Variants in CDC14A observed in about 807,000 individuals in gnomAD.
CDC14A encodes the protein dual specificity protein phosphatase CDC14A.
CDC14A carries 53 observed loss-of-function variants against 74.4 expected under a neutral mutation model. The ratio of observed to expected loss-of-function variants is 0.71; its 90% confidence interval spans 0.57 to 0.89. CDC14A has a LOEUF of 0.89. Among genes scored for constraint, CDC14A ranks in the 40% least tolerant of loss-of-function variants. CDC14A has a pLI of 0.00. For synonymous variants in CDC14A, 247 were observed against 258.4 expected (o/e 0.96, Z 0.43); for missense variants, 646 against 713.7 (o/e 0.91, Z 1.08).
At position 100,346,186 on chromosome 1, in the gene CDC14A, A is replaced by G. The variant is rs1650402928; in HGVS notation, c.-126+1003A>G. ...GACTCCATCTCAAAAACAAAACAAAACAAAACAAAACAAAAAAAACCTTTA... is the reference window on the plus strand; with the variant it reads ...GACTCCATCTCAAAAACAAAACAAAGCAAAACAAAACAAAAAAAACCTTTA... On this transcript the variant is annotated intron_variant, in intron 1 of 14. Coordinates refer to the CDC14A transcript ENST00000635056. Among the ~76,000 whole-genome samples the G allele has an allele frequency of 2.0e-5, 3 of 152,084 alleles. No individual in the cohort carries two copies. The South Asian group carries it at 6.2e-4, about 31-fold the overall frequency.
intron 11 of CDC14A, among the ~76,000 whole-genome samples, chr1:100,492,005 T>C (rs1017695351): frequency 8.5e-5 from 13 of 152,052 alleles, no homozygotes; most frequent in African/African-American, 3.1e-4. Context: ...TGAGGGTGTT[T>C]AAGTAAACTT....
At chr1:100,375,227 A>T (rs905599134) in intron 2 of CDC14A, among the ~76,000 whole-genome samples, 2 of 152,208 alleles carry the variant, frequency 1.3e-5, no homozygotes, top group East Asian at 3.8e-4. Context: ...TAAAGAATAC[A>T]TTTAGAATAT....
intron 4 of CDC14A, among the ~76,000 whole-genome samples, chr1:100,410,383 A>G (rs2101035773): frequency 6.6e-6 from 1 of 152,234 alleles, no homozygotes; most frequent in South Asian, 2.1e-4. Flanking sequence ...GTGCGGTGGC[A>G]CAATCTCAGC....
chr1:100,499,796 C>T (rs1313896110), intron 15 of CDC14A, among the ~76,000 whole-genome samples: 1 of 152,080 alleles, frequency 6.6e-6, no homozygotes, highest in Non-Finnish European at 1.5e-5. Context: ...TATTTCACCT[C>T]CTGCAAGGAA....
At chr1:100,355,815 G>T (rs1218587462) in intron 2 of CDC14A, among the ~76,000 whole-genome samples, 3 of 152,180 alleles carry the variant, frequency 2.0e-5, no homozygotes, top group South Asian at 4.1e-4. Context: ...AGAGCTCCAA[G>T]CCTGTAGGGA....
chr1:100,493,532 T>C (rs984355934), intron 11 of CDC14A, among the ~76,000 whole-genome samples: 2 of 152,250 alleles, frequency 1.3e-5, no homozygotes, highest in Admixed American at 1.3e-4. Flanking sequence ...TAGAACTGAA[T>C]GGTAAAACTG....
intron 7 of CDC14A, among the ~76,000 whole-genome samples, chr1:100,446,500 A>G (rs1047101983): frequency 8.5e-5 from 13 of 152,236 alleles, no homozygotes; most frequent in African/African-American, 3.1e-4. Flanking sequence ...GTGCTGTCCA[A>G]TAGAAATGTG....
chr1:100,500,863 G>A (rs1460080437), intron 15 of CDC14A, among the ~76,000 whole-genome samples: 2 of 133,730 alleles, frequency 1.5e-5, no homozygotes, highest in African/African-American at 5.9e-5. Flanking sequence ...TTCATGTGTG[G>A]TTGCATTAGA....
chr1:100,472,191 G>A (rs1268462490), intron 10 of CDC14A, among the ~76,000 whole-genome samples: 2 of 152,106 alleles, frequency 1.3e-5, no homozygotes, highest in Non-Finnish European at 2.9e-5. Context: ...TGTACAAATG[G>A]CCAATAAACA....
At chr1:100,474,348 A>G (rs540572523) in intron 10 of CDC14A, among the ~76,000 whole-genome samples, 2 of 152,244 alleles carry the variant, frequency 1.3e-5, no homozygotes, top group African/African-American at 4.8e-5. Context: ...TACTAGTTTC[A>G]TGAAATGAAT....
chr1:100,365,625 A>G (rs1289261863), intron 2 of CDC14A, among the ~76,000 whole-genome samples: 1 of 152,200 alleles, frequency 6.6e-6, no homozygotes, highest in African/African-American at 2.4e-5. Flanking sequence ...GTTCTGCATC[A>G]GACTGCTGTG....
chr1:100,468,218 G>A (rs1281112858), intron 10 of CDC14A, 124 bp downstream of exon 10: 15 of 1,038,408 alleles, frequency 1.4e-5, no homozygotes, highest in Middle Eastern at 2.0e-4. Context: ...AGAGAAGTGT[G>A]TGCCTCTAAT....
intron 4 of CDC14A, among the ~76,000 whole-genome samples, chr1:100,410,844 T>A (rs1021898342): frequency 3.9e-5 from 6 of 152,214 alleles, no homozygotes; most frequent in Admixed American, 6.5e-5. Context: ...ATTTAAAAAA[T>A]TTTTATCTCT....
intron 7 of CDC14A, among the ~76,000 whole-genome samples, chr1:100,454,273 T>A (rs1448320177): frequency 6.6e-6 from 1 of 152,012 alleles, no homozygotes; most frequent in Non-Finnish European, 1.5e-5. Flanking sequence ...AAGCTTTTTA[T>A]ATGGATGGTA....
intron 14 of CDC14A, 111 bp from the exon 15 acceptor site, chr1:100,498,818 A>C (rs1648284504): frequency 7.2e-7 from 1 of 1,396,188 alleles, no homozygotes; most frequent in African/African-American, 1.4e-5. Flanking sequence ...GATCAGATTC[A>C]TCTTCATCAT....
At chr1:100,401,670 T>A (rs2101014398) in intron 4 of CDC14A, among the ~76,000 whole-genome samples, 1 of 152,330 alleles carries the variant, frequency 6.6e-6, no homozygotes, top group South Asian at 2.1e-4. Flanking sequence ...TTTATACATA[T>A]AAGTATTTGC....
At position 100,487,891 on chromosome 1, in the gene CDC14A, C is replaced by T. The variant is rs115568055; in HGVS notation, c.1137+3440C>T. Among the ~76,000 whole-genome samples, 676 of 152,228 alleles carry T rather than the reference C, an allele frequency of 4.4e-3. 5 individuals carry two copies. The highest frequency in any genetic ancestry group is 0.015 in the African/African-American group (640 of 41,510). ...CAGTCCTCATGCCTCCTTCCCTGCT[C>T]GGTGATACTCTCTAGGAAGGCAGAG... On this transcript the variant is annotated intron_variant, in intron 11 of 15. Coordinates refer to ENST00000336454, the MANE Select transcript of CDC14A (RefSeq NM_003672.4).
chr1:100,374,379 A>G (rs974967613), intron 2 of CDC14A, among the ~76,000 whole-genome samples: 1 of 152,232 alleles, frequency 6.6e-6, no homozygotes, highest in Non-Finnish European at 1.5e-5. Flanking sequence ...AGAAATCACC[A>G]CACTGACTTC....
intron 10 of CDC14A, among the ~76,000 whole-genome samples, chr1:100,471,987 G>A (rs1668442106): frequency 6.6e-6 from 1 of 152,086 alleles, no homozygotes; most frequent in African/African-American, 2.4e-5. Context: ...AGTTGAAATT[G>A]TAAAATTCTC....
Sources: gnomAD v4.1 joint callset for allele counts (sites outside exome capture counted in the v4.1 genomes callset) on GRCh38, gnomAD v4.1.1 for gene constraint, MANE v1.5 for transcripts, NCBI Gene and HGNC (gene_info 2026-07-23, HGNC 2026-07-21) for gene names.